Variants in ZNF451 observed in about 807,000 individuals in gnomAD.
The protein encoded by ZNF451 is E3 SUMO-protein ligase ZNF451.
ZNF451 carries 80 observed loss-of-function variants against 107.1 expected under a neutral mutation model. The observed-to-expected ratio is 0.75, with a 90% CI of 0.62 to 0.90. The LOEUF (loss-of-function observed/expected upper bound fraction) is 0.90. Among genes scored for constraint, ZNF451 ranks in the 40% least tolerant of loss-of-function variants. The pLI is 0.00. For missense variants in ZNF451, 1,107 were observed against 1,236.2 expected (o/e 0.90, Z 1.57); for synonymous variants, 362 against 406.5 (o/e 0.89, Z 1.32).
At chr6:57,132,794 C>A (rs972542399) in intron 5 of ZNF451, among the ~76,000 whole-genome samples, 1 of 151,652 alleles carries the variant, frequency 6.6e-6, no homozygotes, top group East Asian at 1.9e-4. Context: ...CTGGGAAATA[C>A]AGCAAGATGC....
chr6:57,141,225 G>A lies in ZNF451; in HGVS notation c.703-77G>A, dbSNP rs182451180. ...GATATTGCGAATAAACAACAAATAGGAAATTTTGAAAGTTTTTTTCAAGAA... is the reference window on the plus strand; with the variant it reads ...GATATTGCGAATAAACAACAAATAGAAAATTTTGAAAGTTTTTTTCAAGAA... On this transcript the variant is annotated intron_variant, in intron 7 of 14. Coordinates refer to ENST00000370706, the MANE Select transcript of ZNF451 (RefSeq NM_001031623.3). The A allele has an allele frequency of 3.2e-4, 408 of 1,255,720 alleles. 1 individual carries two copies. The African/African-American group carries it at 5.2e-3, about 16-fold the overall frequency. 77.8% of individuals were successfully genotyped at this position (1,255,720 alleles called of 1,614,324 possible).
intron 3 of ZNF451, among the ~76,000 whole-genome samples, chr6:57,120,264 T>C (rs1468080981): frequency 1.3e-5 from 2 of 152,210 alleles, no homozygotes; most frequent in African/African-American, 4.8e-5. Flanking sequence ...CTCAATTCTT[T>C]TTAGCATTGA....
In ZNF451 at chr6:57,110,151, C is replaced by G. The variant is rs891439582; in HGVS notation, c.186+11010C>G. Among the ~76,000 whole-genome samples the G allele has an allele frequency of 2.0e-5, 3 of 152,124 alleles. No individual in the cohort carries two copies. The East Asian group carries it at 5.8e-4, about 29-fold the overall frequency. ...GGTGGAGAAACAGGAGCCAGACATT[C>G]AGCTGGAGGAACAGGAGTGTGGAAC... On this transcript the variant is annotated intron_variant, in intron 3 of 14. Coordinates refer to ENST00000370706, the MANE Select transcript of ZNF451 (RefSeq NM_001031623.3).
At chr6:57,159,271 T>C in intron 13 of ZNF451, 2 of 985,458 alleles carry the variant, frequency 2.0e-6, no homozygotes, top group Non-Finnish European at 2.4e-6. Flanking sequence ...ATCAAGGATT[T>C]GTCATTATTC....
rs1829692917 is a variant in ZNF451, at chr6:57,103,286, C to T, written c.186+4145C>T. ...GGTGAAGAGAACAAGCCACACAGCT[C>T]TGTTTCTGGATATCTAAGTGATGAT... On this transcript the variant is annotated intron_variant, in intron 3 of 14. Transcript: ENST00000370706. 5 of 985,396 alleles carry T rather than the reference C, an allele frequency of 5.1e-6. No individual in the cohort carries two copies. In the South Asian group the frequency reaches 2.3e-4, roughly 46 times the overall value. 61.0% of individuals were successfully genotyped at this position (985,396 alleles called of 1,614,324 possible). A position where few individuals can be genotyped will look rare whatever the true frequency, so the allele number is the denominator to read the frequency against.
intron 5 of ZNF451, among the ~76,000 whole-genome samples, chr6:57,129,804 C>A (rs944822275): frequency 6.6e-6 from 1 of 152,062 alleles, no homozygotes; most frequent in Non-Finnish European, 1.5e-5. Context: ...CCCCAAAAAC[C>A]TTTTTTCTTT....
chr6:57,109,533 C>A (rs1456203159), intron 3 of ZNF451: 2 of 985,246 alleles, frequency 2.0e-6, no homozygotes, highest in Non-Finnish European at 2.4e-6. Flanking sequence ...TGTGCTGTTT[C>A]TATTCATATT....
intron 3 of ZNF451, among the ~76,000 whole-genome samples, chr6:57,112,204 G>A (rs745675432): frequency 3.9e-5 from 6 of 152,192 alleles, no homozygotes; most frequent in Non-Finnish European, 8.8e-5. Flanking sequence ...ACTTTGGGGG[G>A]TGGTGCAAAC....
chr6:57,113,316 CT>C (rs558400280), intron 3 of ZNF451, among the ~76,000 whole-genome samples: 588 of 141,130 alleles, frequency 4.2e-3, no homozygotes, highest in Admixed American at 5.7e-3. Flanking sequence ...TGATGTCATT[CT>C]TTTTTTTTTT....
intron 13 of ZNF451, among the ~76,000 whole-genome samples, chr6:57,158,040 G>A (rs569204261): frequency 1.3e-5 from 2 of 152,312 alleles, no homozygotes; most frequent in African/African-American, 4.8e-5. Context: ...TGCAAGCTAC[G>A]AAGTAGGTGT....
At chr6:57,165,924 A>G (rs957036962) in intron 14 of ZNF451, 5 of 152,276 alleles carry the variant, frequency 3.3e-5, no homozygotes, top group Non-Finnish European at 5.9e-5. Flanking sequence ...AGGATGGGGA[A>G]GTTGCTCTGG....
At chr6:57,162,420 T>C (rs889246990) in intron 14 of ZNF451, among the ~76,000 whole-genome samples, 1 of 152,236 alleles carries the variant, frequency 6.6e-6, no homozygotes, top group East Asian at 1.9e-4. Flanking sequence ...TTCTGCCTTA[T>C]AGCCAAATTT....
At chr6:57,091,352 C>T (rs1352566170) in intron 2 of ZNF451, 1 of 117,160 alleles carries the variant, frequency 8.5e-6, no homozygotes, top group Non-Finnish European at 1.8e-5. Flanking sequence ...CATGTTACGG[C>T]ATAGTACAGT....
intron 2 of ZNF451, among the ~76,000 whole-genome samples, chr6:57,096,615 AG>A (rs1025683057): frequency 1.1e-4 from 6 of 56,718 alleles, no homozygotes; most frequent in Non-Finnish European, 3.3e-5. Context: ...GCGGGGGGGT[AG>A]GGGGGCGCTT....
chr6:57,151,177 T>C (rs1275404130), intron 11 of ZNF451: 1 of 186,084 alleles, frequency 5.4e-6, no homozygotes, highest in East Asian at 1.4e-4. Context: ...CTGGCTAACA[T>C]GGTGAAACCC....
At chr6:57,123,732 G>A (rs1467268529) in intron 3 of ZNF451, among the ~76,000 whole-genome samples, 1 of 152,014 alleles carries the variant, frequency 6.6e-6, no homozygotes, top group Non-Finnish European at 1.5e-5. Context: ...TCATAAAGAT[G>A]TACACATTTT....
intron 14 of ZNF451, among the ~76,000 whole-genome samples, chr6:57,164,018 G>A (rs985393789): frequency 6.6e-6 from 1 of 152,196 alleles, no homozygotes; most frequent in East Asian, 1.9e-4. Flanking sequence ...AGTGGCAGAA[G>A]ACAGGATAAA....
Position 57,150,934 on chromosome 6 carries a change from C to T in ZNF451, c.2752+72C>T, listed in dbSNP as rs761067968. On this transcript the variant is annotated intron_variant, in intron 11 of 14. Coordinates refer to ENST00000370706, the MANE Select transcript of ZNF451 (RefSeq NM_001031623.3). ...GAATATAGTTCAGTTTAAAAGGCTC[C>T]TCTTAAACCTTCCTGGATAGAACAT... 16 of 1,525,950 alleles carry T rather than the reference C, an allele frequency of 1.0e-5. No homozygotes were observed. In the East Asian group the frequency reaches 2.3e-4, roughly 21 times the overall value. The allele number at this position is 1,525,950 out of a possible 1,614,324, so 94.5% of individuals were successfully genotyped here.
At chr6:57,143,350 C>A (rs1033733066) in intron 9 of ZNF451, among the ~76,000 whole-genome samples, 1 of 151,904 alleles carries the variant, frequency 6.6e-6, no homozygotes, top group Non-Finnish European at 1.5e-5. Context: ...ATGTTTATTT[C>A]TATAATCTAT....
Sources: gnomAD v4.1 joint callset for allele counts (sites outside exome capture counted in the v4.1 genomes callset) on GRCh38, gnomAD v4.1.1 for gene constraint, MANE v1.5 for transcripts, NCBI Gene and HGNC (gene_info 2026-07-23, HGNC 2026-07-21) for gene names.